The following OR4S1 variants were observed in gnomAD, a reference collection of about 807,000 sequenced individuals.
OR4S1 encodes olfactory receptor 4S1.
For synonymous variants in OR4S1, 197 were observed against 144.5 expected (o/e 1.36, Z -2.61); for missense variants, 531 against 383.0 (o/e 1.39, Z -3.23).
rs771481474 is a variant in OR4S1, at chr11:48,306,465, T to C, written c.243T>C (p.Ala81=). ...CCACTACCATACCCAAGATGATTGC[T>C]GACACTTTTGTGGAGCATAAGATCA... ...YPSTTIPKMI[A]DTFVEHKIIS... Residue 81 remains alanine, a synonymous_variant, in exon 1 of 1, where the codon GCT becomes GCC. Transcript: ENST00000319988. The C allele has an allele frequency of 6.2e-7, 1 of 1,608,782 alleles. No homozygotes were observed. Among genetic ancestry groups the C allele is most frequent in the African/African-American group, 1.3e-5 (1 of 74,934 alleles).
rs748370497 is a variant in OR4S1, at chr11:48,306,545, C to T, written c.323C>T (p.Thr108Ile). The change falls in exon 1 of 1, where the codon ACT (threonine) becomes ATT (isoleucine). Residue 108 changes from threonine (T) to isoleucine (I), a missense_variant. By Grantham distance (89) the Thr-to-Ile change is moderately conservative (BLOSUM62 -1). Coordinates refer to ENST00000319988, the MANE Select transcript of OR4S1 (RefSeq NM_001004725.1). ...QLFSAHFFGGTEIFLLTAMAY... is the reference protein window; with the variant it reads ...QLFSAHFFGGIEIFLLTAMAY... ...TTTTCTGCCCACTTCTTTGGTGGCACTGAGATCTTCCTCCTTACAGCCATG... is the reference window on the plus strand; with the variant it reads ...TTTTCTGCCCACTTCTTTGGTGGCATTGAGATCTTCCTCCTTACAGCCATG... The T allele has an allele frequency of 1.3e-6, 2 of 1,599,472 alleles. No individual in the cohort carries two copies. Among genetic ancestry groups the T allele is most frequent in the Admixed American group, 3.4e-5 (2 of 59,114 alleles).
Sources: gnomAD v4.1 joint callset for allele counts on GRCh38, gnomAD v4.1.1 for gene constraint, MANE v1.5 for transcripts, NCBI Gene and HGNC (gene_info 2026-07-23, HGNC 2026-07-21) for gene names.